Variants in GNPDA2 observed in about 807,000 individuals in gnomAD.
The protein encoded by GNPDA2 is glcN6P deaminase 2.
GNPDA2 carries 24 observed loss-of-function variants against 27.0 expected under a neutral mutation model. That is an observed-to-expected ratio of 0.89 (90% CI 0.64 to 1.25). The LOEUF (loss-of-function observed/expected upper bound fraction) is 1.25. Ranked by LOEUF, GNPDA2 falls within the 50% of genes most tolerant of loss-of-function variation. The probability of loss-of-function intolerance (pLI) is 0.00; values close to 1 mark genes in which losing one functional copy is unlikely to be tolerated. For missense variants in GNPDA2, 286 were observed against 335.1 expected, an observed-to-expected ratio of 0.85 and a Z score of 1.14; for synonymous variants, 94 against 108.4, an observed-to-expected ratio of 0.87 and a Z score of 0.83.
At chr4:44,707,376 G>C (rs2109695177) in intron 6 of GNPDA2, 1 of 256,266 alleles carries the variant, frequency 3.9e-6, no homozygotes, top group African/African-American at 2.2e-5. Flanking sequence ...TAAGGTTAGA[G>C]GGGAGTGAGG....
chr4:44,708,440 A>C (rs2109697496), intron 5 of GNPDA2, among the ~76,000 whole-genome samples: 1 of 152,302 alleles, frequency 6.6e-6, no homozygotes, highest in Admixed American at 6.5e-5. Flanking sequence ...AAGTTGACTC[A>C]GAATAAAAAC....
chr4:44,707,806 A>C lies in GNPDA2; in HGVS notation c.715T>G (p.Cys239Gly). 1 of 1,613,486 alleles carries C rather than the reference A, an allele frequency of 6.2e-7. No homozygotes were observed. Among genetic ancestry groups the C allele is most frequent in the Non-Finnish European group, 8.5e-7 (1 of 1,179,648 alleles). ...AATTCTAAAGTAGCATCTTCATCGC[A>C]TACAAAAATAGTCCGGGGATGCTGC... The part of the protein sequence containing the change: ...FQQHPRTIFV[C>G]DEDATLELRV... The change falls in exon 6 of 7, where the codon TGC becomes GGC. Residue 239 changes from cysteine (C) to glycine (G), a missense_variant. Transcript: ENST00000295448.
Position 44,702,187 on chromosome 4 carries a change from T to TA in GNPDA2, c.*893dup. ...TTACACGCTTTATTTGAGTTAAAGA[T>TA]AAAAAACAATATACTTTTATGTAAA... On this transcript the variant is annotated 3_prime_UTR_variant, in exon 7 of 7. Transcript: ENST00000295448. 1.2e-6 allele frequency: 1 copy of TA among 860,014 alleles called. No homozygotes were observed. Among genetic ancestry groups the TA allele is most frequent in the Non-Finnish European group, 1.4e-6 (1 of 715,074 alleles). 53.3% of individuals were successfully genotyped at this position (860,014 alleles called of 1,614,324 possible). A position where few individuals can be genotyped will look rare whatever the true frequency, so the allele number is the denominator to read the frequency against.
intron 4 of GNPDA2, among the ~76,000 whole-genome samples, chr4:44,712,343 C>T (rs1717030485): frequency 6.6e-6 from 1 of 151,770 alleles, no homozygotes; most frequent in African/African-American, 2.4e-5. Context: ...TTTTCCCAGG[C>T]CACAAGAAGA....
chr4:44,715,111 C>G (rs1200672609), intron 4 of GNPDA2, among the ~76,000 whole-genome samples: 3 of 151,946 alleles, frequency 2.0e-5, no homozygotes. Context: ...AGAAACATAA[C>G]CCCCTCCCAA....
intron 1 of GNPDA2, among the ~76,000 whole-genome samples, chr4:44,723,991 G>T (rs575861588): frequency 6.6e-6 from 1 of 152,304 alleles, no homozygotes; most frequent in South Asian, 2.1e-4. Context: ...TTAGTCCACG[G>T]ACAATCCAAG....
intron 3 of GNPDA2, among the ~76,000 whole-genome samples, chr4:44,717,587 A>T (rs1462568715): frequency 6.6e-6 from 1 of 151,852 alleles, no homozygotes; most frequent in African/African-American, 2.4e-5. Flanking sequence ...TAGGATTCAA[A>T]CACAGAAAGT....
chr4:44,719,140 C>T (rs1717512825), intron 2 of GNPDA2, among the ~76,000 whole-genome samples: 2 of 151,850 alleles, frequency 1.3e-5, no homozygotes, highest in African/African-American at 4.8e-5. Flanking sequence ...CGAGGATGGC[C>T]TTCATCTTTG....
In GNPDA2 at chr4:44,707,711, C is replaced by A. The variant is rs200017652; in HGVS notation, c.769+41G>T. ...CACAGTAAGTTTTAATTGTCACTCA[C>A]AACAGATTATCTCAGTCGGCTTTTG... On this transcript the variant is annotated intron_variant, in intron 6 of 6. Transcript: ENST00000295448. 16 of 1,566,202 alleles carry A rather than the reference C, an allele frequency of 1.0e-5. No individual in the cohort carries two copies. In the East Asian group the frequency reaches 1.6e-4, roughly 15 times the overall value.
chr4:44,708,889 C>T (rs563515262), intron 5 of GNPDA2, among the ~76,000 whole-genome samples: 4 of 151,470 alleles, frequency 2.6e-5, no homozygotes, highest in Admixed American at 2.6e-4. Context: ...AAAACACCAC[C>T]ATGAGAGAAA....
intron 4 of GNPDA2, among the ~76,000 whole-genome samples, chr4:44,716,901 A>G (rs531122926): frequency 2.0e-5 from 3 of 151,982 alleles, no homozygotes; most frequent in African/African-American, 7.2e-5. Flanking sequence ...CATAAGGTAA[A>G]CAATTCCAGC....
intron 6 of GNPDA2, chr4:44,705,278 GTGTT>G (rs1716521546): frequency 1.0e-6 from 1 of 980,800 alleles, no homozygotes; most frequent in South Asian, 4.7e-5. Context: ...CATTTGAAAT[GTGTT>G]TATTTAAGAA....
At chr4:44,716,485 AG>A (rs1180885476) in intron 4 of GNPDA2, among the ~76,000 whole-genome samples, 1 of 146,374 alleles carries the variant, frequency 6.8e-6, no homozygotes, top group Non-Finnish European at 1.5e-5. Flanking sequence ...GTCATTACAA[AG>A]GAAAAAACTT....
At chr4:44,726,369 G>C (rs1351514530) in intron 1 of GNPDA2, 105 bp downstream of exon 1, 2 of 152,310 alleles carry the variant, frequency 1.3e-5, no homozygotes, top group African/African-American at 4.8e-5. Flanking sequence ...CCCCGGCCCG[G>C]CGTCCCAGTC....
intron 4 of GNPDA2, among the ~76,000 whole-genome samples, chr4:44,716,198 C>G (rs768938521): frequency 5.9e-5 from 9 of 151,898 alleles, no homozygotes; most frequent in Non-Finnish European, 1.3e-4. Flanking sequence ...CAAATTTCCC[C>G]CAATGATAAT....
rs148961319 is a variant in GNPDA2, at chr4:44,704,368, C to T, written c.770-1226G>A. 238 of 953,008 alleles carry T rather than the reference C, an allele frequency of 2.5e-4. 1 individual carries two copies. In the African/African-American group the frequency reaches 4.0e-3, roughly 16 times the overall value. 59.0% of individuals were successfully genotyped at this position (953,008 alleles called of 1,614,324 possible). ...CACTTTGTAGAGGATCGTTTTTCTA[C>T]TTAAATAGTATTCATCTGTCATTTG... On this transcript the variant is annotated intron_variant, in intron 6 of 6. Coordinates refer to ENST00000295448, the MANE Select transcript of GNPDA2 (RefSeq NM_138335.3).
At chr4:44,713,415 G>C (rs1486545285) in intron 4 of GNPDA2, among the ~76,000 whole-genome samples, 1 of 152,080 alleles carries the variant, frequency 6.6e-6, no homozygotes, top group Non-Finnish European at 1.5e-5. Context: ...CCAAAGACTT[G>C]GTTGTTTTAA....
intron 4 of GNPDA2, among the ~76,000 whole-genome samples, 177 bp from the exon 5 acceptor site, chr4:44,711,314 T>A (rs965731807): frequency 6.6e-6 from 1 of 152,190 alleles, no homozygotes; most frequent in African/African-American, 2.4e-5. Flanking sequence ...GTTTTCTACA[T>A]GTTTAGCAAT....
In GNPDA2 at chr4:44,707,777, T is replaced by G; in HGVS notation, c.744A>C (p.Arg248Ser). ...VCDEDATLEL[R>S]VKTVKYFKGL... is the part of the protein sequence containing the mutation. Reference sequence around the variant, plus strand: ...CTTTAAAGTATTTCACAGTTTTAACTCTTAATTCTAAAGTAGCATCTTCAT... The same window carrying G: ...CTTTAAAGTATTTCACAGTTTTAACGCTTAATTCTAAAGTAGCATCTTCAT... Residue 248 changes from arginine to serine, a missense_variant, in exon 6 of 7, where the codon AGA becomes AGC. Physicochemically the swap from Arg to Ser is moderately radical, Grantham distance 110 (BLOSUM62 -1). Coordinates refer to ENST00000295448, the MANE Select transcript of GNPDA2 (RefSeq NM_138335.3). 6.2e-7 allele frequency: 1 copy of G among 1,613,180 alleles called. No homozygotes were observed. Among genetic ancestry groups the G allele is most frequent in the Non-Finnish European group, 8.5e-7 (1 of 1,179,550 alleles).
Sources: allele counts gnomAD v4.1 joint callset (sites outside exome capture counted in the v4.1 genomes callset), GRCh38; gene constraint gnomAD v4.1.1; transcripts MANE v1.5; gene names NCBI Gene and HGNC (gene_info 2026-07-23, HGNC 2026-07-21).